The following CHD2 variants were observed in gnomAD, a reference collection of about 807,000 sequenced individuals.
CHD2 encodes ATP-dependent chromatin remodeler CHD2.
A neutral mutation model predicts 243.9 loss-of-function variants in CHD2; 28 were observed. The ratio of observed to expected loss-of-function variants is 0.11; its 90% CI spans 0.09 to 0.16. The LOEUF (loss-of-function observed/expected upper bound fraction) is 0.16, where lower values mean the gene tolerates loss of function less well. Among genes scored for constraint, CHD2 ranks in the 10% least tolerant of loss-of-function variants. The pLI, the probability that CHD2 is intolerant of heterozygous loss-of-function variation, is 1.00. For synonymous variants in CHD2, 775 were observed against 779.0 expected (o/e 0.99, Z 0.09); for missense variants, 1,386 against 2,209.8 (o/e 0.63, Z 7.47).
intron 37 of CHD2, among the ~76,000 whole-genome samples, chr15:93,018,107 T>C (rs1293598681): frequency 6.6e-6 from 1 of 152,218 alleles, no homozygotes; most frequent in African/African-American, 2.4e-5. Flanking sequence ...AGCTTGAGTT[T>C]TAAGCACCTC....
At chr15:92,912,728 G>T (rs1417519785) in intron 2 of CHD2, among the ~76,000 whole-genome samples, 3 of 152,164 alleles carry the variant, frequency 2.0e-5, no homozygotes, top group East Asian at 1.9e-4. Context: ...AGAGACAGGG[G>T]TTTCACTATG....
intron 13 of CHD2, among the ~76,000 whole-genome samples, chr15:92,949,772 A>T (rs1422146997): frequency 6.6e-6 from 1 of 152,228 alleles, no homozygotes; most frequent in Non-Finnish European, 1.5e-5. Context: ...GCTGAAAAGA[A>T]CTAGTGCTCA....
At chr15:92,913,851 CA>C (rs941737448) in intron 2 of CHD2, among the ~76,000 whole-genome samples, 2 of 151,188 alleles carry the variant, frequency 1.3e-5, no homozygotes, top group African/African-American at 2.4e-5. Context: ...AGACCCTATC[CA>C]AAAAAAACAA....
chr15:92,985,115 C>T (rs1379252392), intron 25 of CHD2, among the ~76,000 whole-genome samples: 1 of 152,152 alleles, frequency 6.6e-6, no homozygotes, highest in African/African-American at 2.4e-5. Flanking sequence ...AGGCATACTT[C>T]TAAGTGCTTT....
intron 38 of CHD2, among the ~76,000 whole-genome samples, chr15:93,022,653 G>GA (rs1175590870): frequency 6.6e-6 from 1 of 152,178 alleles, no homozygotes; most frequent in East Asian, 1.9e-4. Context: ...ACCCTCTGTA[G>GA]ATCTTCAAAC....
chr15:92,936,697 C>A (rs2053272738), intron 5 of CHD2, among the ~76,000 whole-genome samples: 1 of 152,034 alleles, frequency 6.6e-6, no homozygotes, highest in African/African-American at 2.4e-5. Context: ...TAAATGTATT[C>A]TAGAGACTTA....
chr15:92,940,552 T>C (rs1422932915), intron 7 of CHD2, among the ~76,000 whole-genome samples: 1 of 151,906 alleles, frequency 6.6e-6, no homozygotes, highest in Admixed American at 6.6e-5. Context: ...AGATTTGTTC[T>C]TCATAGAGAT....
At chr15:92,987,142 CTT>C (rs1342464447) in intron 26 of CHD2, among the ~76,000 whole-genome samples, 1 of 152,066 alleles carries the variant, frequency 6.6e-6, no homozygotes, top group Non-Finnish European at 1.5e-5. Flanking sequence ...TTTTTGGACT[CTT>C]ATTAATTGTA....
chr15:93,006,762 A>G (rs2141878999), intron 34 of CHD2, among the ~76,000 whole-genome samples: 1 of 152,312 alleles, frequency 6.6e-6, no homozygotes, highest in African/African-American at 2.4e-5. Context: ...TCCCACATAT[A>G]AACAACATAG....
At chr15:92,963,801 GA>G (rs1227380092) in intron 16 of CHD2, among the ~76,000 whole-genome samples, 1 of 152,134 alleles carries the variant, frequency 6.6e-6, no homozygotes, top group African/African-American at 2.4e-5. Flanking sequence ...AGTTCTAGGA[GA>G]AAAAAATACA....
intron 19 of CHD2, 182 bp from the exon 20 acceptor site, chr15:92,974,697 G>A: frequency 1.9e-6 from 1 of 519,252 alleles, no homozygotes; most frequent in Non-Finnish European, 3.5e-6. Context: ...TAACTGGAGA[G>A]CTCAGGTCGA....
intron 5 of CHD2, among the ~76,000 whole-genome samples, chr15:92,931,077 G>T (rs1273644169): frequency 6.6e-6 from 1 of 152,184 alleles, no homozygotes; most frequent in African/African-American, 2.4e-5. Context: ...CACTTTAGGA[G>T]CCTTCTGTGA....
At chr15:93,019,588 T>TA (rs1327376362) in intron 37 of CHD2, among the ~76,000 whole-genome samples, 5 of 152,186 alleles carry the variant, frequency 3.3e-5, no homozygotes, top group Non-Finnish European at 5.9e-5. Flanking sequence ...TTCAGCAGCA[T>TA]ACCTACAAGA....
At chr15:93,019,607 A>C (rs7172884) in intron 37 of CHD2, among the ~76,000 whole-genome samples, 1,929 of 152,302 alleles carry the variant, frequency 0.013, 48 homozygotes, top group African/African-American at 0.045. Flanking sequence ...GAATTGGAAC[A>C]ATACAGAGAA....
At chr15:92,911,220 A>G (rs544248591) in intron 2 of CHD2, among the ~76,000 whole-genome samples, 1 of 152,328 alleles carries the variant, frequency 6.6e-6, no homozygotes, top group Non-Finnish European at 1.5e-5. Context: ...AAATAATAGC[A>G]TGTATACTAC....
chr15:92,928,171 T>A (rs2053098188), intron 4 of CHD2, among the ~76,000 whole-genome samples: 1 of 152,216 alleles, frequency 6.6e-6, no homozygotes, highest in South Asian at 2.1e-4. Context: ...AAAATCTAAT[T>A]CACCCTAACA....
chr15:92,913,533 A>G (rs1185246329), intron 2 of CHD2, among the ~76,000 whole-genome samples: 1 of 152,100 alleles, frequency 6.6e-6, no homozygotes, highest in Non-Finnish European at 1.5e-5. Flanking sequence ...TCCCCACAAT[A>G]ACAAATTATC....
chr15:92,931,948 C>T (rs1027254884), intron 5 of CHD2, among the ~76,000 whole-genome samples: 6 of 151,288 alleles, frequency 4.0e-5, no homozygotes, highest in Non-Finnish European at 5.9e-5. Context: ...CTGCAGCCTC[C>T]GCCTCCGGGG....
At chr15:92,941,297 G>T (rs1054472703) in intron 7 of CHD2, among the ~76,000 whole-genome samples, 21 of 151,886 alleles carry the variant, frequency 1.4e-4, no homozygotes, top group Admixed American at 1.1e-3. Context: ...TAGCCAATAT[G>T]TTTCTTTTTT....
Sources: allele counts gnomAD v4.1 joint callset (sites outside exome capture counted in the v4.1 genomes callset), GRCh38; gene constraint gnomAD v4.1.1; transcripts MANE v1.5; gene names NCBI Gene and HGNC (gene_info 2026-07-23, HGNC 2026-07-21).